The following BCHE variants were observed in gnomAD, a reference collection of about 807,000 sequenced individuals.
BCHE encodes cholinesterase.
Under a neutral mutation model 51.3 loss-of-function variants are expected in BCHE, and 48 were observed. That is an observed-to-expected ratio of 0.94 (90% confidence interval 0.74 to 1.19). The LOEUF is 1.19. BCHE is among the 50% of genes most tolerant of loss of function. BCHE has a pLI of 0.00. For missense variants in BCHE, 847 were observed against 708.2 expected, an observed-to-expected ratio of 1.20 and a Z score of -2.23; for synonymous variants, 251 against 238.0, an observed-to-expected ratio of 1.05 and a Z score of -0.50.
chr3:165,813,333 CAT>C (rs941424355), intron 2 of BCHE, among the ~76,000 whole-genome samples: 12 of 151,442 alleles, frequency 7.9e-5, no homozygotes, highest in African/African-American at 2.9e-4. Context: ...ATTTTATACT[CAT>C]ATTTTCTTCC....
intron 2 of BCHE, among the ~76,000 whole-genome samples, chr3:165,820,037 G>T (rs960098258): frequency 1.3e-5 from 2 of 152,042 alleles, no homozygotes; most frequent in African/African-American, 2.4e-5. Flanking sequence ...AACAAATCAG[G>T]TTATTTCCAA....
intron 2 of BCHE, among the ~76,000 whole-genome samples, chr3:165,787,389 A>G (rs1355538): frequency 0.44 from 66,024 of 151,580 alleles, 17,581 homozygotes; most frequent in East Asian, 0.65. Flanking sequence ...AATATGAAAC[A>G]CAAAGTTTTC....
chr3:165,823,008 C>T (rs1157537618), intron 2 of BCHE, among the ~76,000 whole-genome samples: 2 of 151,990 alleles, frequency 1.3e-5, no homozygotes, highest in Admixed American at 6.6e-5. Context: ...ACATAATGCA[C>T]ATATAGACCT....
At chr3:165,802,860 C>G (rs13065832) in intron 2 of BCHE, among the ~76,000 whole-genome samples, 5 of 151,846 alleles carry the variant, frequency 3.3e-5, no homozygotes, top group African/African-American at 1.2e-4. Context: ...TCCTGTCTCA[C>G]CCTCCTGAGT....
At chr3:165,807,317 AT>A (rs1305247079) in intron 2 of BCHE, among the ~76,000 whole-genome samples, 2 of 151,852 alleles carry the variant, frequency 1.3e-5, no homozygotes, top group Non-Finnish European at 2.9e-5. Context: ...CATTTTTAAA[AT>A]CAAGTCATAT....
intron 2 of BCHE, among the ~76,000 whole-genome samples, chr3:165,825,092 A>C (rs1322797668): frequency 6.6e-6 from 1 of 152,034 alleles, no homozygotes; most frequent in Non-Finnish European, 1.5e-5. Flanking sequence ...AATACTGTGT[A>C]GACATACTAT....
At chr3:165,786,062 A>C in intron 3 of BCHE, 83 bp downstream of exon 3, 146 of 1,419,208 alleles carry the variant, frequency 1.0e-4, no homozygotes, top group African/African-American at 1.3e-4. Context: ...TAACTCCATC[A>C]CCGTGCCTTG....
intron 2 of BCHE, among the ~76,000 whole-genome samples, chr3:165,817,808 A>G (rs1412401128): frequency 2.0e-5 from 3 of 152,110 alleles, no homozygotes; most frequent in Non-Finnish European, 2.9e-5. Flanking sequence ...TTATTGAGGT[A>G]ATAGGGATGC....
intron 2 of BCHE, among the ~76,000 whole-genome samples, chr3:165,821,743 T>C (rs1293475677): frequency 1.3e-5 from 2 of 151,918 alleles, no homozygotes; most frequent in Non-Finnish European, 2.9e-5. Flanking sequence ...TTCTGATTAT[T>C]ACAATTAAAA....
intron 1 of BCHE, 120 bp downstream of exon 1, chr3:165,837,194 G>T (rs1715218840): frequency 1.8e-6 from 1 of 549,230 alleles, no homozygotes; most frequent in Non-Finnish European, 2.9e-6. Flanking sequence ...TTCAGTAACT[G>T]TTCCCCACAG....
intron 2 of BCHE, among the ~76,000 whole-genome samples, chr3:165,821,504 C>T (rs1035558076): frequency 6.6e-6 from 1 of 151,134 alleles, no homozygotes; most frequent in African/African-American, 2.4e-5. Context: ...TGTTAAAATA[C>T]TGTTATTTCA....
intron 2 of BCHE, among the ~76,000 whole-genome samples, chr3:165,822,860 C>A (rs1227105720): frequency 6.6e-6 from 1 of 152,048 alleles, no homozygotes; most frequent in Non-Finnish European, 1.5e-5. Context: ...ATTTTCTGTA[C>A]CACTGGGATA....
At position 165,798,894 on chromosome 3, in the gene BCHE, TA is replaced by T. The variant is rs532174201; in HGVS notation, c.1518-12584del. Among the ~76,000 whole-genome samples the T allele has an allele frequency of 3.2e-3, 477 of 150,644 alleles. 6 individuals are homozygous for T. The highest frequency in any genetic ancestry group is 9.7e-3 in the African/African-American group (399 of 41,136). On this transcript the variant is annotated intron_variant, in intron 2 of 3. Transcript: ENST00000264381. Reference sequence around the variant, plus strand: ...CAAAACGAAACAAACAAACAAATAATAAAAAAAAACTAGAGTATATAGTTGC... The same window carrying T: ...CAAAACGAAACAAACAAACAAATAATAAAAAAAACTAGAGTATATAGTTGC...
intron 2 of BCHE, among the ~76,000 whole-genome samples, chr3:165,791,189 G>A (rs1186295717): frequency 1.3e-5 from 2 of 151,836 alleles, no homozygotes; most frequent in Non-Finnish European, 2.9e-5. Flanking sequence ...CAGCTACTCG[G>A]GAGGCTGAGG....
chr3:165,804,021 C>G (rs1172059386), intron 2 of BCHE, among the ~76,000 whole-genome samples: 1 of 146,554 alleles, frequency 6.8e-6, no homozygotes, highest in Non-Finnish European at 1.5e-5. Flanking sequence ...GAAGAAATCA[C>G]AAAGGAGACT....
Position 165,830,106 on chromosome 3 carries a change from A to T in BCHE, c.928T>A (p.Tyr310Asn), listed in dbSNP as rs2108235002. The T allele has an allele frequency of 6.2e-7, 1 of 1,613,854 alleles. No individual in the cohort carries two copies. Among genetic ancestry groups the T allele is most frequent in the African/African-American group, 1.3e-5 (1 of 75,026 alleles). ...ILLNEAFVVP[Y>N]GTPLSVNFGP... The stretch of plus-strand genomic sequence containing the variant: ...AAGTTTACTGACAAAGGAGTCCCAT[A>T]GGGGACAACAAATGCTTCATTCAGA... Residue 310 changes from tyrosine to asparagine, a missense_variant, in exon 2 of 4, where the codon TAT (tyrosine) becomes AAT (asparagine). By Grantham distance (143) the Tyr-to-Asn change is moderately radical. Coordinates refer to ENST00000264381, the MANE Select transcript of BCHE (RefSeq NM_000055.4).
chr3:165,813,050 T>A (rs950243075), intron 2 of BCHE, among the ~76,000 whole-genome samples: 1 of 81,862 alleles, frequency 1.2e-5, no homozygotes, highest in Non-Finnish European at 3.4e-5. Context: ...TCCATGAGAG[T>A]CCTTTTTTTT....
chr3:165,835,175 C>T (rs1294878861), intron 1 of BCHE, among the ~76,000 whole-genome samples: 1 of 124,812 alleles, frequency 8.0e-6, no homozygotes, highest in Non-Finnish European at 1.7e-5. Context: ...CAATAACTTT[C>T]AAATAAAAAA....
chr3:165,827,092 C>T (rs1243803984), intron 2 of BCHE, among the ~76,000 whole-genome samples: 2 of 152,092 alleles, frequency 1.3e-5, no homozygotes, highest in African/African-American at 2.4e-5. Flanking sequence ...ATTTCCAGAC[C>T]TAACAGTTAT....
Sources: allele counts gnomAD v4.1 joint callset (sites outside exome capture counted in the v4.1 genomes callset), GRCh38; gene constraint gnomAD v4.1.1; transcripts MANE v1.5; gene names NCBI Gene and HGNC (gene_info 2026-07-23, HGNC 2026-07-21).